The following CDK15 variants were observed in gnomAD, a reference collection of about 807,000 sequenced individuals.
The protein encoded by CDK15 is cyclin-dependent kinase 15.
CDK15 carries 62 observed loss-of-function variants against 60.3 expected under a neutral mutation model. That is an observed-to-expected ratio of 1.03 (90% confidence interval 0.84 to 1.27). The LOEUF is 1.27. Among genes scored for constraint, CDK15 ranks in the 50% most tolerant of loss-of-function variants. The probability of loss-of-function intolerance (pLI) is 0.00; values close to 1 mark genes in which losing one functional copy is unlikely to be tolerated. For missense variants in CDK15, 541 were observed against 527.8 expected, an observed-to-expected ratio of 1.03 and a Z score of -0.25; for synonymous variants, 194 against 195.7, an observed-to-expected ratio of 0.99 and a Z score of 0.07.
intron 9 of CDK15, among the ~76,000 whole-genome samples, chr2:201,851,886 C>T (rs1363511787): frequency 1.3e-5 from 2 of 152,094 alleles, no homozygotes; most frequent in African/African-American, 2.4e-5. Flanking sequence ...CTCGAACTCT[C>T]GACTTCTGGT....
At chr2:201,889,522 A>G (rs913752753) in intron 12 of CDK15, 1 of 700,538 alleles carries the variant, frequency 1.4e-6, no homozygotes, top group African/African-American at 1.9e-5. Flanking sequence ...TATTTTCCGT[A>G]CTTTTCAGAT....
chr2:201,887,924 A>G (rs1699513924), intron 12 of CDK15, among the ~76,000 whole-genome samples: 1 of 152,160 alleles, frequency 6.6e-6, no homozygotes, highest in South Asian at 2.1e-4. Context: ...GAATAATTGA[A>G]TGCACTAAAC....
intron 13 of CDK15, among the ~76,000 whole-genome samples, chr2:201,891,521 G>A (rs1699638828): frequency 6.6e-6 from 1 of 152,090 alleles, no homozygotes; most frequent in African/African-American, 2.4e-5. Context: ...TGCAGTCCTG[G>A]GTAAACCAGG....
At chr2:201,851,072 A>G (rs1697885356) in intron 9 of CDK15, among the ~76,000 whole-genome samples, 1 of 151,996 alleles carries the variant, frequency 6.6e-6, no homozygotes, top group Non-Finnish European at 1.5e-5. Flanking sequence ...TGGGTGGATC[A>G]CCTGAGGTCA....
At position 201,812,569 on chromosome 2, in the gene CDK15, A is replaced by G. The variant is rs193602; in HGVS notation, c.448+7A>G. ...TTTACAGCTATCCGAGAAGGTAAGA[A>G]CAGCAGAAATGGACCCAATAGATCT... On this transcript the variant is annotated splice_region_variant and intron_variant, in intron 4 of 13. Transcript: ENST00000652192. 4.4e-6 allele frequency: 7 copies of G among 1,605,688 alleles called. No individual in the cohort carries two copies. In the East Asian group the frequency reaches 1.3e-4, roughly 31 times the overall value.
At chr2:201,816,505 C>T (rs1696004182) in intron 4 of CDK15, among the ~76,000 whole-genome samples, 2 of 116,674 alleles carry the variant, frequency 1.7e-5, no homozygotes, top group Non-Finnish European at 1.7e-5. Flanking sequence ...TTTATGGTGC[C>T]AGTGTACAAA....
chr2:201,837,607 CA>C (rs966685029), intron 8 of CDK15, among the ~76,000 whole-genome samples: 4 of 152,040 alleles, frequency 2.6e-5, no homozygotes, highest in African/African-American at 9.7e-5. Flanking sequence ...CATGGGCTGT[CA>C]GACATGCATC....
chr2:201,870,692 G>A (rs1354817444), intron 10 of CDK15, among the ~76,000 whole-genome samples: 1 of 152,164 alleles, frequency 6.6e-6, no homozygotes, highest in Non-Finnish European at 1.5e-5. Context: ...TCATGCCAGT[G>A]TACTCACCAG....
chr2:201,818,802 AAAAG>A (rs1696095324), intron 4 of CDK15, among the ~76,000 whole-genome samples: 1 of 152,202 alleles, frequency 6.6e-6, no homozygotes, highest in South Asian at 2.1e-4. Flanking sequence ...GGAGACAACT[AAAAG>A]AAAGAAGGAA....
In CDK15 at chr2:201,807,559, C is replaced by T. The variant is rs1695569318; in HGVS notation, c.189C>T (p.Ala63=). 5 of 1,614,094 alleles carry T rather than the reference C, an allele frequency of 3.1e-6. No individual in the cohort carries two copies. Among genetic ancestry groups the T allele is most frequent in the Non-Finnish European group, 4.2e-6 (5 of 1,180,020 alleles). The change falls in exon 2 of 14, where the codon GCC becomes GCT. Residue 63 remains alanine (A), a synonymous_variant. Transcript: ENST00000652192. The part of the protein sequence containing the change: ...TSFHPRGLQA[A]RAQKFKSKRP... The stretch of plus-strand genomic sequence containing the variant: ...TTCACCCCAGGGGACTTCAAGCTGC[C>T]CGTGCCCAGAAGTTCAAGAGTAAAA...
In CDK15 at chr2:201,893,703, A is replaced by G. The variant is rs527294585; in HGVS notation, c.*436A>G. The stretch of plus-strand genomic sequence containing the variant: ...CCTGCCACTCCTGTGTTCACTTACA[A>G]TTTCTCCCAACAAAAGGATTTCTGT... On this transcript the variant is annotated 3_prime_UTR_variant, in exon 14 of 14. Transcript: ENST00000652192. 1.3e-5 allele frequency: 2 copies of G among 152,152 alleles called. No homozygotes were observed. The highest frequency in any genetic ancestry group is 2.1e-4 in the South Asian group (1 of 4,822). The allele number at this position is 152,152 out of a possible 1,614,324, so 9.4% of individuals were successfully genotyped here.
rs1559110539 is a variant in CDK15, at chr2:201,807,475, C to A, written c.124-19C>A. 2 of 1,603,204 alleles carry A rather than the reference C, an allele frequency of 1.2e-6. No individual in the cohort carries two copies. Among genetic ancestry groups the A allele is most frequent in the South Asian group, 1.1e-5 (1 of 89,716 alleles). On this transcript the variant is annotated intron_variant, in intron 1 of 13. Transcript: ENST00000652192. ...TTACTTTGCATAAATTTTATTTCTG[C>A]TCTTTCTTTTTTCTCTAGCTAACAG...
chr2:201,874,312 C>A (rs1310284158), intron 11 of CDK15, among the ~76,000 whole-genome samples: 3 of 152,104 alleles, frequency 2.0e-5, no homozygotes, highest in African/African-American at 4.8e-5. Context: ...CCATTGGCAG[C>A]GTTAGCCTGG....
intron 4 of CDK15, among the ~76,000 whole-genome samples, chr2:201,822,314 T>C (rs891390315): frequency 6.6e-6 from 1 of 152,242 alleles, no homozygotes; most frequent in Non-Finnish European, 1.5e-5. Flanking sequence ...CTTTACCCCA[T>C]GCTTTTATCC....
intron 11 of CDK15, 142 bp downstream of exon 11, chr2:201,872,468 A>G: frequency 1.2e-6 from 1 of 807,074 alleles, no homozygotes; most frequent in Non-Finnish European, 2.1e-6. Flanking sequence ...TGCCTCTGGA[A>G]GCGCCAGACC....
At chr2:201,836,808 A>C (rs75420800) in intron 8 of CDK15, among the ~76,000 whole-genome samples, 2,510 of 151,920 alleles carry the variant, frequency 0.017, 38 homozygotes, top group African/African-American at 0.036. Flanking sequence ...AGGAAAAAAA[A>C]AAAAAAGCAT....
At position 201,842,595 on chromosome 2, in the gene CDK15, C is replaced by T. The variant is rs1697441042; in HGVS notation, c.852-4786C>T. ...CAACAACATTTTGATATTCTCCTTG[C>T]ACCTCCAAAAAGCCTAAAACTCCCG... On this transcript the variant is annotated intron_variant, in intron 8 of 13. Transcript: ENST00000652192. Among the ~76,000 whole-genome samples, 3 of 152,178 alleles carry T rather than the reference C, an allele frequency of 2.0e-5. No homozygotes were observed. The South Asian group carries it at 6.2e-4, about 32-fold the overall frequency.
At chr2:201,865,439 T>C (rs530371178) in intron 10 of CDK15, among the ~76,000 whole-genome samples, 14 of 152,192 alleles carry the variant, frequency 9.2e-5, no homozygotes, top group Non-Finnish European at 1.6e-4. Flanking sequence ...GCGGATGGGA[T>C]ATTTTCTCAG....
chr2:201,847,470 G>A lies in CDK15; in HGVS notation c.941G>A (p.Trp314Ter), dbSNP rs780630778. ...SNILEQLEKI[W>*]EVLGVPTEDT... ...ATCCTTGAACAGCTGGAGAAAATCT[G>A]GGAGGTAGGAGAATAATTCTTCTAA... Residue 314 changes from tryptophan to a stop codon, truncating the protein, a stop_gained, in exon 9 of 14, where the codon TGG (tryptophan) becomes TAG (stop). Transcript: ENST00000652192. LOFTEE classifies it high-confidence loss of function. 1.1e-5 allele frequency: 18 copies of A among 1,613,280 alleles called. No individual in the cohort carries two copies. In the East Asian group the frequency reaches 3.6e-4, roughly 32 times the overall value.
Sources: allele counts gnomAD v4.1 joint callset (sites outside exome capture counted in the v4.1 genomes callset), GRCh38; gene constraint gnomAD v4.1.1; transcripts MANE v1.5; gene names NCBI Gene and HGNC (gene_info 2026-07-23, HGNC 2026-07-21).